LRP2: variants seen among roughly 807,000 people sequenced by gnomAD.
LRP2 encodes the protein LDL receptor related protein 2.
In LRP2, 172 loss-of-function variants were observed where a neutral mutation model predicts 531.0. The observed-to-expected ratio is 0.32, with a 90% CI of 0.29 to 0.37. The LOEUF is 0.37. LRP2 is among the 10% of genes least tolerant of loss of function. The probability of loss-of-function intolerance (pLI) is 1.00; values close to 1 mark genes in which losing one functional copy is unlikely to be tolerated. For synonymous variants in LRP2, 1,992 were observed against 2,027.6 expected, an observed-to-expected ratio of 0.98 and a Z score of 0.47; for missense variants, 5,167 against 5,868.3, an observed-to-expected ratio of 0.88 and a Z score of 3.90.
intron 54 of LRP2, 133 bp downstream of exon 54, chr2:169,176,278 T>C (rs1030076455): frequency 1.1e-6 from 1 of 939,562 alleles, no homozygotes; most frequent in Non-Finnish European, 1.7e-6. Flanking sequence ...AGAGTCTTGC[T>C]GTGTTCCACA....
At chr2:169,334,462 A>T (rs977531129) in intron 1 of LRP2, among the ~76,000 whole-genome samples, 5 of 152,194 alleles carry the variant, frequency 3.3e-5, no homozygotes, top group Non-Finnish European at 7.4e-5. Flanking sequence ...ACCTATAGTT[A>T]CAGTCTTGGA....
intron 74 of LRP2, among the ~76,000 whole-genome samples, 189 bp from the exon 75 acceptor site, chr2:169,138,895 T>A (rs552294525): frequency 6.6e-6 from 1 of 152,290 alleles, no homozygotes; most frequent in East Asian, 1.9e-4. Flanking sequence ...CCTGGAAACG[T>A]TAAAGCACAT....
At chr2:169,339,093 C>G (rs1268547918) in intron 1 of LRP2, among the ~76,000 whole-genome samples, 1 of 143,454 alleles carries the variant, frequency 7.0e-6, no homozygotes, top group East Asian at 2.0e-4. Context: ...TTGTCTCCCT[C>G]TCAATTCTAC....
At chr2:169,273,108 T>A in intron 14 of LRP2, 41 bp from the exon 15 acceptor site, 1 of 1,611,916 alleles carries the variant, frequency 6.2e-7, no homozygotes, top group Non-Finnish European at 8.5e-7. Flanking sequence ...CAATTAGAAA[T>A]GTGTAATTAT....
At chr2:169,176,628 A>G in intron 53 of LRP2, 40 bp from the exon 54 acceptor site, 3 of 1,575,392 alleles carry the variant, frequency 1.9e-6, no homozygotes, top group Non-Finnish European at 2.6e-6. Context: ...ATTTGCTGAA[A>G]GAGAGTATCA....
At position 169,172,107 on chromosome 2, in the gene LRP2, T is replaced by TC; in HGVS notation, c.11170dup (p.Asp3724GlyfsTer5). Reference sequence around the variant, plus strand: ...GCAGTGGTGATTTTTACAGCGGAAATCCCCCACAGGATGGCATGTCCTCTC... The same window carrying TC: ...GCAGTGGTGATTTTTACAGCGGAAATCCCCCCACAGGATGGCATGTCCTCTC... On this transcript the variant is annotated frameshift_variant, in exon 58 of 79. Transcript: ENST00000649046. LOFTEE classifies it high-confidence loss of function. 1 of 1,614,134 alleles carries TC rather than the reference T, an allele frequency of 6.2e-7. No individual in the cohort carries two copies. Among genetic ancestry groups the TC allele is most frequent in the Non-Finnish European group, 8.5e-7 (1 of 1,180,006 alleles).
chr2:169,279,385 C>T lies in LRP2; in HGVS notation c.1552G>A (p.Asp518Asn). ...CACATCACTTACCCAACAGTTGGGTCCACGGCAATTCCTCTAGGATGCCCC... is the reference window on the plus strand; with the variant it reads ...CACATCACTTACCCAACAGTTGGGTTCACGGCAATTCCTCTAGGATGCCCC... ...NLGHPRGIAV[D>N]PTVGYLFFSD... The change falls in exon 12 of 79, where the codon GAC becomes AAC. Residue 518 changes from aspartate (D) to asparagine (N), a missense_variant. Coordinates refer to ENST00000649046, the MANE Select transcript of LRP2 (RefSeq NM_004525.3). 6.2e-7 allele frequency: 1 copy of T among 1,613,588 alleles called. No homozygotes were observed. The highest frequency in any genetic ancestry group is 8.5e-7 in the Non-Finnish European group (1 of 1,179,568).
intron 1 of LRP2, among the ~76,000 whole-genome samples, chr2:169,326,127 G>GCTCTGC (rs1176005120): frequency 3.3e-4 from 38 of 115,964 alleles, no homozygotes; most frequent in African/African-American, 1.3e-3. Flanking sequence ...GTCCTTTTTT[G>GCTCTGC]CTCTGCCTCT....
At chr2:169,157,307 G>A in intron 64 of LRP2, 64 bp downstream of exon 64, 1 of 1,487,052 alleles carries the variant, frequency 6.7e-7, no homozygotes, top group South Asian at 1.1e-5. Flanking sequence ...TAACAAAGGG[G>A]AGTGGGTGGA....
chr2:169,230,343 C>T (rs1689355776), intron 31 of LRP2, among the ~76,000 whole-genome samples: 1 of 152,236 alleles, frequency 6.6e-6, no homozygotes, highest in African/African-American at 2.4e-5. Flanking sequence ...GCCAGTCCCT[C>T]TGTGAGAATT....
chr2:169,143,215 T>C (rs1685787857), intron 70 of LRP2, among the ~76,000 whole-genome samples: 1 of 152,230 alleles, frequency 6.6e-6, no homozygotes, highest in Non-Finnish European at 1.5e-5. Flanking sequence ...ATATGGTCTA[T>C]CCAAAGTATA....
chr2:169,278,037 G>A, intron 12 of LRP2, 86 bp from the exon 13 acceptor site: 6 of 1,075,712 alleles, frequency 5.6e-6, no homozygotes, highest in Non-Finnish European at 8.5e-6. Context: ...TTGGATCAAT[G>A]GAAATTTTAT....
chr2:169,200,246 A>T (rs1329961440), intron 44 of LRP2, among the ~76,000 whole-genome samples: 1 of 152,144 alleles, frequency 6.6e-6, no homozygotes, highest in South Asian at 2.1e-4. Flanking sequence ...GCAAGACTCC[A>T]TCTCAAAAAA....
At chr2:169,140,316 A>G (rs1685671286) in intron 72 of LRP2, 139 bp downstream of exon 72, 7 of 723,600 alleles carry the variant, frequency 9.7e-6, no homozygotes, top group Non-Finnish European at 1.7e-5. Context: ...AGACTCCCTC[A>G]AGGGAAGGCA....
Position 169,168,253 on chromosome 2 carries a change from C to T in LRP2, c.11635+286G>A, listed in dbSNP as rs1431356630. Among the ~76,000 whole-genome samples the T allele has an allele frequency of 2.6e-5, 4 of 151,756 alleles. No homozygotes were observed. The South Asian group carries it at 8.3e-4, about 32-fold the overall frequency. ...ACCCTTCCTCAGACTTCAACCACAACAGACCTGCCTTTATTTATGCATACT... is the reference window on the plus strand; with the variant it reads ...ACCCTTCCTCAGACTTCAACCACAATAGACCTGCCTTTATTTATGCATACT... On this transcript the variant is annotated intron_variant, in intron 61 of 78. Transcript: ENST00000649046.
rs754399579 is a variant in LRP2 at position 169,197,033 on chromosome 2, G to A, written c.8579-3C>T. 13 of 1,613,514 alleles carry A rather than the reference G, an allele frequency of 8.1e-6. No homozygotes were observed. In the East Asian group the frequency reaches 2.9e-4, roughly 36 times the overall value. On this transcript the variant is annotated splice_polypyrimidine_tract_variant and splice_region_variant and intron_variant, in intron 45 of 78. Transcript: ENST00000649046. ...ACTGCTGCTGCACGTGTGAGTGGCT[G>A]CAGGAGGGAAAGAAGATAAAACCCA...
chr2:169,138,795 C>G, intron 74 of LRP2, 89 bp from the exon 75 acceptor site: 1 of 1,441,322 alleles, frequency 6.9e-7, no homozygotes, highest in East Asian at 2.3e-5. Flanking sequence ...AGTACCCTCT[C>G]CTCCACATTG....
In LRP2 at chr2:169,211,966, A is replaced by G; in HGVS notation, c.6280+2T>C. ...ATCTTACTTATATTGGAGTTGGCATACCTTGGCCTGCCACCGGCACCATGG... is the reference window on the plus strand; with the variant it reads ...ATCTTACTTATATTGGAGTTGGCATGCCTTGGCCTGCCACCGGCACCATGG... On this transcript the variant is annotated splice_donor_variant, in intron 37 of 78. Transcript: ENST00000649046. LOFTEE classifies it high-confidence loss of function. 1 of 1,613,862 alleles carries G rather than the reference A, an allele frequency of 6.2e-7. No individual in the cohort carries two copies. Among genetic ancestry groups the G allele is most frequent in the Non-Finnish European group, 8.5e-7 (1 of 1,179,818 alleles).
intron 66 of LRP2, among the ~76,000 whole-genome samples, chr2:169,153,624 G>C (rs571105145): frequency 6.6e-6 from 1 of 152,220 alleles, no homozygotes; most frequent in Admixed American, 6.5e-5. Context: ...ACTCTCAGAG[G>C]TAAGCAGACA....
Sources: allele counts gnomAD v4.1 joint callset (sites outside exome capture counted in the v4.1 genomes callset), GRCh38; gene constraint gnomAD v4.1.1; transcripts MANE v1.5; gene names NCBI Gene and HGNC (gene_info 2026-07-23, HGNC 2026-07-21).